The following FOXP1 variants were observed in gnomAD, a reference collection of about 807,000 sequenced individuals.
FOXP1 encodes forkhead box protein P1.
A neutral mutation model predicts 98.2 loss-of-function variants in FOXP1; 15 were observed. The ratio of observed to expected loss-of-function variants is 0.15; its 90% CI spans 0.10 to 0.24. The LOEUF (loss-of-function observed/expected upper bound fraction) is 0.24. FOXP1 is among the 10% of genes least tolerant of loss of function. The probability of loss-of-function intolerance (pLI) is 1.00; values close to 1 mark genes in which losing one functional copy is unlikely to be tolerated. For synonymous variants in FOXP1, 371 were observed against 314.5 expected (o/e 1.18, Z -1.90); for missense variants, 633 against 848.5 (o/e 0.75, Z 3.15).
At chr3:70,991,822 G>A (rs567186060) in intron 13 of FOXP1, among the ~76,000 whole-genome samples, 2 of 152,304 alleles carry the variant, frequency 1.3e-5, no homozygotes, top group South Asian at 4.1e-4. Flanking sequence ...GGAAGGGGCA[G>A]AAATAAGACT....
intron 13 of FOXP1, among the ~76,000 whole-genome samples, chr3:70,997,101 C>T (rs1172711657): frequency 6.6e-6 from 1 of 152,136 alleles, no homozygotes; most frequent in Non-Finnish European, 1.5e-5. Flanking sequence ...GGCTTTGGGT[C>T]AGTAATGTGC....
Position 70,979,316 on chromosome 3 carries a change from A to AAAAAAAAAAAAAAAAAAG in FOXP1, c.1147-1288_1147-1287insCTTTTTTTTTTTTTTTTT, listed in dbSNP as rs1553670621. 2.1e-4 allele frequency among the ~76,000 whole-genome samples: 20 copies of AAAAAAAAAAAAAAAAAAG among 96,480 alleles called. 1 individual carries two copies. The highest frequency in any genetic ancestry group is 3.2e-4 in the Non-Finnish European group (16 of 50,014). 63.3% of individuals were successfully genotyped at this position (96,480 alleles called of 152,430 possible). Reference sequence around the variant, plus strand: ...AAAAAAAAAAAAAAAAAAAAAAAAAAAAAAGAAAAAAATAAATTAATGAGC... The same window carrying AAAAAAAAAAAAAAAAAAG: ...AAAAAAAAAAAAAAAAAAAAAAAAAAAAAAAAAAAAAAAAAAAGAAAAGAAAAAAATAAATTAATGAGC... On this transcript the variant is annotated intron_variant, in intron 14 of 20. Coordinates refer to ENST00000649528, the MANE Select transcript of FOXP1 (RefSeq NM_001349338.3).
intron 5 of FOXP1, among the ~76,000 whole-genome samples, chr3:71,268,080 C>T (rs935261104): frequency 3.4e-4 from 42 of 123,540 alleles, no homozygotes; most frequent in Admixed American, 3.3e-4. Context: ...TCTTTTTTTT[C>T]TTTTCTTTTC....
At chr3:71,557,144 C>T (rs2046201572) in intron 2 of FOXP1, among the ~76,000 whole-genome samples, 1 of 152,036 alleles carries the variant, frequency 6.6e-6, no homozygotes, top group South Asian at 2.1e-4. Flanking sequence ...GGCAGAGAGA[C>T]ATACTAGGAA....
chr3:71,406,537 AG>A (rs1397887966), intron 3 of FOXP1, among the ~76,000 whole-genome samples: 5 of 151,284 alleles, frequency 3.3e-5, no homozygotes, highest in African/African-American at 9.7e-5. Flanking sequence ...GCTATCTCTC[AG>A]GCTCTCTCTC....
intron 17 of FOXP1, among the ~76,000 whole-genome samples, chr3:70,975,131 G>A (rs962459759): frequency 6.6e-6 from 1 of 152,140 alleles, no homozygotes. Flanking sequence ...TTTTCCTGCA[G>A]TTTGCAAAAC....
At chr3:71,027,740 T>C (rs978739929) in intron 11 of FOXP1, among the ~76,000 whole-genome samples, 1 of 152,204 alleles carries the variant, frequency 6.6e-6, no homozygotes, top group African/African-American at 2.4e-5. Flanking sequence ...AAAATGTATA[T>C]ATACATTTCT....
chr3:71,369,077 C>A (rs2079110103), intron 3 of FOXP1, among the ~76,000 whole-genome samples: 1 of 152,052 alleles, frequency 6.6e-6, no homozygotes, highest in African/African-American at 2.4e-5. Context: ...CCCCATGGGA[C>A]CATGTCTTTT....
At chr3:70,980,385 T>C (rs2038623675) in intron 14 of FOXP1, among the ~76,000 whole-genome samples, 1 of 152,192 alleles carries the variant, frequency 6.6e-6, no homozygotes, top group East Asian at 1.9e-4. Context: ...TGGAAAGTCA[T>C]GGGTAACATT....
At chr3:70,978,795 A>G (rs1235815590) in intron 14 of FOXP1, among the ~76,000 whole-genome samples, 1 of 152,224 alleles carries the variant, frequency 6.6e-6, no homozygotes, top group Non-Finnish European at 1.5e-5. Context: ...CCTTTATTAA[A>G]TCTATCAAAT....
In FOXP1 at chr3:70,956,732, GTTTTTTTTTTTTTTTT is replaced by G. The variant is rs142956636; in HGVS notation, c.*2499_*2514del. 295 of 32,806 alleles carry G rather than the reference GTTTTTTTTTTTTTTTT, an allele frequency of 9.0e-3. 2 individuals are homozygous for G. Among genetic ancestry groups the G allele is most frequent in the Middle Eastern group, 0.018 (1 of 56 alleles). The allele number at this position is 32,806 out of a possible 1,614,324, so 2.0% of individuals were successfully genotyped here. ...GCACATCATGAAGCTGCCTGGAAAA[GTTTTTTTTTTTTTTTT>G]TTTTTTTTTTTTTTTTTTTTTTTTT... On this transcript the variant is annotated 3_prime_UTR_variant, in exon 21 of 21. Transcript: ENST00000649528.
At chr3:71,233,759 G>C (rs935613805) in intron 5 of FOXP1, among the ~76,000 whole-genome samples, 2 of 152,124 alleles carry the variant, frequency 1.3e-5, no homozygotes, top group African/African-American at 4.8e-5. Context: ...AAGGACAAAA[G>C]AGGATCAGGA....
At chr3:71,544,116 A>G (rs536308947) in intron 2 of FOXP1, among the ~76,000 whole-genome samples, 2 of 152,046 alleles carry the variant, frequency 1.3e-5, no homozygotes, top group South Asian at 4.1e-4. Flanking sequence ...TATGTCTTTT[A>G]GGAAAATCAG....
intron 6 of FOXP1, among the ~76,000 whole-genome samples, chr3:71,121,441 ACAGT>A (rs886872359): frequency 2.0e-5 from 3 of 152,162 alleles, no homozygotes; most frequent in African/African-American, 7.2e-5. Flanking sequence ...ATGACTACAA[ACAGT>A]CAGGAAGTCT....
At chr3:71,239,824 G>C (rs1399971157) in intron 5 of FOXP1, among the ~76,000 whole-genome samples, 1 of 152,222 alleles carries the variant, frequency 6.6e-6, no homozygotes, top group African/African-American at 2.4e-5. Context: ...CCTCCCCTGA[G>C]ATTTCCAAAG....
chr3:71,347,161 G>T (rs1199936756), intron 4 of FOXP1, among the ~76,000 whole-genome samples: 1 of 152,156 alleles, frequency 6.6e-6, no homozygotes, highest in Non-Finnish European at 1.5e-5. Flanking sequence ...AATGGTTTGG[G>T]TTTTAAAAAA....
intron 2 of FOXP1, among the ~76,000 whole-genome samples, chr3:71,562,100 G>T (rs1054469787): frequency 6.6e-6 from 1 of 152,120 alleles, no homozygotes; most frequent in African/African-American, 2.4e-5. Flanking sequence ...TCTCAGTCTT[G>T]GGCTTCTATC....
At chr3:71,005,697 C>A (rs1255309554) in intron 12 of FOXP1, among the ~76,000 whole-genome samples, 1 of 151,932 alleles carries the variant, frequency 6.6e-6, no homozygotes, top group East Asian at 1.9e-4. Flanking sequence ...GGAAGAAGCG[C>A]ATAAAAAGCA....
chr3:71,258,792 G>A (rs1490906590), intron 5 of FOXP1, among the ~76,000 whole-genome samples: 1 of 152,180 alleles, frequency 6.6e-6, no homozygotes, highest in Non-Finnish European at 1.5e-5. Flanking sequence ...GACTATCACT[G>A]ATAATATTAA....
Sources: allele counts gnomAD v4.1 joint callset (sites outside exome capture counted in the v4.1 genomes callset), GRCh38; gene constraint gnomAD v4.1.1; transcripts MANE v1.5; gene names NCBI Gene and HGNC (gene_info 2026-07-23, HGNC 2026-07-21).